BCL7A: variants seen among roughly 807,000 people sequenced by gnomAD.
BCL7A encodes BAF chromatin remodeling complex subunit BCL7A, also known as B-cell CLL/lymphoma 7 protein family member A.
In BCL7A, 11 loss-of-function variants were observed where a neutral mutation model predicts 28.4. The ratio of observed to expected loss-of-function variants is 0.39; its 90% CI spans 0.24 to 0.64. BCL7A has a LOEUF of 0.64. Ranked by LOEUF, BCL7A falls within the 30% of genes least tolerant of loss-of-function variation. BCL7A has a pLI of 0.50. For synonymous variants in BCL7A, 123 were observed against 103.3 expected (o/e 1.19, Z -1.15); for missense variants, 222 against 274.8 (o/e 0.81, Z 1.36).
intron 5 of BCL7A, among the ~76,000 whole-genome samples, chr12:122,056,391 T>C (rs910887187): frequency 1.3e-5 from 2 of 151,878 alleles, no homozygotes; most frequent in Non-Finnish European, 2.9e-5. Flanking sequence ...AGACCTAAAA[T>C]TGGGCCTCTT....
At chr12:122,030,808 G>C in intron 2 of BCL7A, 27 bp downstream of exon 2, 1 of 1,603,248 alleles carries the variant, frequency 6.2e-7, no homozygotes. Flanking sequence ...GGTCCCCTGG[G>C]GTGGGCCACC....
chr12:122,051,866 CTTTTTTT>C (rs34244407), intron 4 of BCL7A, among the ~76,000 whole-genome samples: 11 of 80,330 alleles, frequency 1.4e-4, no homozygotes, highest in African/African-American at 2.5e-4. Flanking sequence ...CTCTCTCTCT[CTTTTTTT>C]TTTTTTTTTT....
chr12:122,024,270 G>A (rs1156804002), intron 1 of BCL7A, among the ~76,000 whole-genome samples: 2 of 152,310 alleles, frequency 1.3e-5, no homozygotes, highest in East Asian at 1.9e-4. Context: ...GCGACCTTGG[G>A]CATATCATTG....
chr12:122,056,354 C>T (rs1466066046), intron 5 of BCL7A, among the ~76,000 whole-genome samples: 1 of 152,024 alleles, frequency 6.6e-6, no homozygotes, highest in Non-Finnish European at 1.5e-5. Flanking sequence ...GCCCCCACTA[C>T]CCCACACTCT....
At chr12:122,041,341 G>T (rs997451638) in intron 3 of BCL7A, among the ~76,000 whole-genome samples, 1 of 152,178 alleles carries the variant, frequency 6.6e-6, no homozygotes, top group African/African-American at 2.4e-5. Context: ...GGTGGCAGGT[G>T]CCCAGGTCTG....
intron 1 of BCL7A, 92 bp downstream of exon 1, chr12:122,022,275 C>G (rs1883481138): frequency 1.4e-6 from 1 of 722,922 alleles, no homozygotes; most frequent in Non-Finnish European, 1.7e-6. Flanking sequence ...GCCCCGGCCG[C>G]CTGCCCCGGC....
rs56376395 is a variant in BCL7A at position 122,038,431 on chromosome 12, C to CAAAAAAAAAAAAAAA, written c.271+3018_271+3032dup. ...TGGGCAAAGGAGCGAGACTCTGCCT[C>CAAAAAAAAAAAAAAA]AAAAAAAAAAAAAAAAAAAAAAAAA... On this transcript the variant is annotated intron_variant, in intron 3 of 5. Coordinates refer to ENST00000261822, the MANE Select transcript of BCL7A (RefSeq NM_001024808.3). 7.7e-4 allele frequency among the ~76,000 whole-genome samples: 26 copies of CAAAAAAAAAAAAAAA among 33,552 alleles called. 1 individual carries two copies. The highest frequency in any genetic ancestry group is 2.4e-3 in the Admixed American group (5 of 2,084). The allele number at this position is 33,552 out of a possible 152,430, so 22.0% of individuals were successfully genotyped here.
chr12:122,029,420 G>A lies in BCL7A; in HGVS notation c.93-1280G>A, dbSNP rs755544899. On this transcript the variant is annotated intron_variant, in intron 1 of 5. Coordinates refer to ENST00000261822, the MANE Select transcript of BCL7A (RefSeq NM_001024808.3). The surrounding 1 kb of genome is among the most constrained non-coding windows in gnomAD (Gnocchi z 4.3). ...TCACACCAGCATGTGAGGGCCACAT[G>A]CCCCACGAGGGGGTGATCTAAGGCT... 6.6e-6 allele frequency among the ~76,000 whole-genome samples: 1 copy of A among 152,154 alleles called. No homozygotes were observed. Among genetic ancestry groups the A allele is most frequent in the Non-Finnish European group, 1.5e-5 (1 of 68,020 alleles).
intron 3 of BCL7A, among the ~76,000 whole-genome samples, chr12:122,038,854 A>C (rs1883909467): frequency 6.6e-6 from 1 of 152,114 alleles, no homozygotes; most frequent in South Asian, 2.1e-4. Context: ...ACTCACTGTG[A>C]GGATTAAATT....
At chr12:122,025,699 A>C (rs904808390) in intron 1 of BCL7A, among the ~76,000 whole-genome samples, 27 of 151,558 alleles carry the variant, frequency 1.8e-4, no homozygotes, top group Non-Finnish European at 1.5e-5. Flanking sequence ...TAATCCCAGC[A>C]CTTTGGGAGG....
At chr12:122,025,243 A>G (rs1883594522) in intron 1 of BCL7A, among the ~76,000 whole-genome samples, 1 of 152,108 alleles carries the variant, frequency 6.6e-6, no homozygotes, top group East Asian at 1.9e-4. Context: ...CACGCCTGTA[A>G]TCCCAGAGCT....
chr12:122,032,828 G>T (rs12813582), intron 2 of BCL7A, among the ~76,000 whole-genome samples: 1 of 152,148 alleles, frequency 6.6e-6, no homozygotes, highest in Non-Finnish European at 1.5e-5. Context: ...TGTGAGCCAT[G>T]ATGTGCCATG....
chr12:122,036,707 A>G (rs963616120), intron 3 of BCL7A, among the ~76,000 whole-genome samples: 2 of 133,142 alleles, frequency 1.5e-5, no homozygotes, highest in African/African-American at 3.1e-5. Context: ...TCAAACCTAA[A>G]GCTCCTTTTT....
At chr12:122,022,347 GC>G in intron 1 of BCL7A, among the ~76,000 whole-genome samples, 164 bp downstream of exon 1, 1 of 143,872 alleles carries the variant, frequency 7.0e-6, no homozygotes, top group African/African-American at 2.5e-5. Flanking sequence ...CGGCGCGCGA[GC>G]CGGGTCACCT....
intron 2 of BCL7A, among the ~76,000 whole-genome samples, chr12:122,034,991 C>G (rs1254082225): frequency 6.6e-6 from 1 of 152,178 alleles, no homozygotes; most frequent in African/African-American, 2.4e-5. Flanking sequence ...TCCCCAGATA[C>G]TCTCCCTAAA....
intron 1 of BCL7A, among the ~76,000 whole-genome samples, chr12:122,023,805 C>T (rs1251709254): frequency 6.6e-6 from 1 of 152,212 alleles, no homozygotes; most frequent in Non-Finnish European, 1.5e-5. Context: ...CTGTGGGATT[C>T]CCCGCGGGAA....
chr12:122,054,500 G>A (rs1884266586), intron 4 of BCL7A, among the ~76,000 whole-genome samples: 1 of 152,192 alleles, frequency 6.6e-6, no homozygotes, highest in African/African-American at 2.4e-5. Context: ...GGCCGCCAGG[G>A]GGTGCTGGGT....
At chr12:122,039,349 A>G (rs1193986988) in intron 3 of BCL7A, among the ~76,000 whole-genome samples, 1 of 148,806 alleles carries the variant, frequency 6.7e-6, no homozygotes, top group East Asian at 2.0e-4. Context: ...TTAAATTAGC[A>G]GGTTGTGGTG....
rs577488027 is a variant in BCL7A, at chr12:122,055,964, C to T, written c.561+1038C>T. ...TGATTGGCAGGTCCCTTTCCAGAAC[C>T]TCACCCCATGGAACCCCCTCCACAT... On this transcript the variant is annotated intron_variant, in intron 5 of 5. Coordinates refer to ENST00000261822, the MANE Select transcript of BCL7A (RefSeq NM_001024808.3). Among the ~76,000 whole-genome samples the T allele has an allele frequency of 1.6e-4, 25 of 152,262 alleles. No homozygotes were observed. The South Asian group carries it at 5.2e-3, about 32-fold the overall frequency.
Sources: allele counts gnomAD v4.1 joint callset (sites outside exome capture counted in the v4.1 genomes callset), GRCh38; gene constraint gnomAD v4.1.1; non-coding constraint Gnocchi (gnomAD v3.1); transcripts MANE v1.5; gene names NCBI Gene and HGNC (gene_info 2026-07-23, HGNC 2026-07-21).